The following RPS6KC1 variants were observed in gnomAD, a reference collection of about 807,000 sequenced individuals.
RPS6KC1 encodes the protein inactive ribosomal protein S6 kinase delta-1.
Under a neutral mutation model 103.8 loss-of-function variants are expected in RPS6KC1, and 54 were observed. The observed-to-expected ratio is 0.52, with a 90% CI of 0.42 to 0.65. RPS6KC1 has a LOEUF of 0.65. Among genes scored for constraint, RPS6KC1 ranks in the 30% least tolerant of loss-of-function variants. The pLI is 0.00. For missense variants in RPS6KC1, 1,151 were observed against 1,253.8 expected (o/e 0.92, Z 1.24); for synonymous variants, 439 against 438.7 (o/e 1.00, Z -0.01).
At chr1:213,837,770 C>CA in the RPS6KC1 span, among the ~76,000 whole-genome samples, 1 of 152,152 alleles carries the variant, frequency 6.6e-6, no homozygotes, top group Admixed American at 6.5e-5. Context: ...CTGTTAAATT[C>CA]AATTTTGCTT....
the RPS6KC1 span, among the ~76,000 whole-genome samples, chr1:213,391,057 C>G: frequency 6.6e-6 from 1 of 152,090 alleles, no homozygotes; most frequent in African/African-American, 2.4e-5. Flanking sequence ...CTTATACTCA[C>G]CTCCTGAATT....
chr1:213,616,888 C>T, the RPS6KC1 span, among the ~76,000 whole-genome samples: 1 of 152,122 alleles, frequency 6.6e-6, no homozygotes, highest in Non-Finnish European at 1.5e-5. Flanking sequence ...GATAAAGGGA[C>T]CATGGGTTCT....
the RPS6KC1 span, among the ~76,000 whole-genome samples, chr1:213,527,794 A>C: frequency 1.3e-5 from 2 of 152,176 alleles, no homozygotes; most frequent in African/African-American, 2.4e-5. Flanking sequence ...CTTCCCAAAA[A>C]CTTAATTAGT....
the RPS6KC1 span, among the ~76,000 whole-genome samples, chr1:213,514,351 G>A: frequency 6.6e-6 from 1 of 151,616 alleles, no homozygotes; most frequent in South Asian, 2.1e-4. Context: ...TTTAACATTA[G>A]GTATATCGCC....
the RPS6KC1 span, among the ~76,000 whole-genome samples, chr1:213,465,787 C>G: frequency 2.6e-5 from 4 of 152,106 alleles, no homozygotes; most frequent in Admixed American, 6.6e-5. Context: ...CTCTGGACCT[C>G]CTATTTTCTT....
intron 4 of RPS6KC1, among the ~76,000 whole-genome samples, chr1:213,116,079 C>T (rs540766050): frequency 0.011 from 1,683 of 151,914 alleles, 37 homozygotes; most frequent in African/African-American, 0.037. Flanking sequence ...CCGCTTGGTG[C>T]AGAGCTGAGT....
At chr1:213,177,639 G>C (rs1331590110) in intron 8 of RPS6KC1, among the ~76,000 whole-genome samples, 1 of 152,058 alleles carries the variant, frequency 6.6e-6, no homozygotes, top group Non-Finnish European at 1.5e-5. Flanking sequence ...TTTTTTAAGA[G>C]CCTGAAATAT....
At chr1:213,521,757 G>A in the RPS6KC1 span, among the ~76,000 whole-genome samples, 2 of 152,286 alleles carry the variant, frequency 1.3e-5, no homozygotes, top group East Asian at 3.9e-4. Context: ...TCCATAAGAA[G>A]CAACTCCTCA....
chr1:213,484,587 AC>A, the RPS6KC1 span, among the ~76,000 whole-genome samples: 1 of 152,238 alleles, frequency 6.6e-6, no homozygotes, highest in East Asian at 1.9e-4. Flanking sequence ...TCCACCAGAT[AC>A]GTTATACTCT....
chr1:213,337,174 A>C, the RPS6KC1 span, among the ~76,000 whole-genome samples: 1 of 152,150 alleles, frequency 6.6e-6, no homozygotes, highest in African/African-American at 2.4e-5. Context: ...CAAGGGGTTA[A>C]ACTTTGCCCT....
chr1:213,370,293 A>G, the RPS6KC1 span, among the ~76,000 whole-genome samples: 4 of 123,936 alleles, frequency 3.2e-5, no homozygotes, highest in African/African-American at 1.6e-4. Context: ...TTTTTTTTGC[A>G]TGTATCTTGT....
chr1:213,461,519 A>G, the RPS6KC1 span, among the ~76,000 whole-genome samples: 1 of 152,212 alleles, frequency 6.6e-6, no homozygotes, highest in Non-Finnish European at 1.5e-5. Flanking sequence ...ATGCTACCTG[A>G]CTTTAAACTA....
chr1:213,132,172 G>C (rs1214992298), intron 6 of RPS6KC1, among the ~76,000 whole-genome samples: 2 of 152,140 alleles, frequency 1.3e-5, no homozygotes, highest in Admixed American at 6.5e-5. Context: ...AAACCTACTA[G>C]ACTGCTATCT....
At chr1:213,334,269 G>A in the RPS6KC1 span, among the ~76,000 whole-genome samples, 1 of 152,196 alleles carries the variant, frequency 6.6e-6, no homozygotes, top group African/African-American at 2.4e-5. Context: ...GCTTCCCCCA[G>A]GACATACAGG....
intron 8 of RPS6KC1, among the ~76,000 whole-genome samples, chr1:213,201,699 T>C (rs781193613): frequency 1.3e-5 from 2 of 152,350 alleles, no homozygotes; most frequent in Non-Finnish European, 1.5e-5. Flanking sequence ...AGGAACTTTT[T>C]ATTTTCTGCT....
At chr1:213,715,658 G>T in the RPS6KC1 span, among the ~76,000 whole-genome samples, 1 of 152,214 alleles carries the variant, frequency 6.6e-6, no homozygotes, top group African/African-American at 2.4e-5. Flanking sequence ...TAAAGTCTGG[G>T]CAGTGTGTGT....
the RPS6KC1 span, among the ~76,000 whole-genome samples, chr1:213,844,135 A>G: frequency 6.6e-6 from 1 of 152,198 alleles, no homozygotes; most frequent in Non-Finnish European, 1.5e-5. Flanking sequence ...TGAACAATGC[A>G]CACATTGTAA....
the RPS6KC1 span, among the ~76,000 whole-genome samples, chr1:213,624,267 G>A: frequency 6.6e-6 from 1 of 152,204 alleles, no homozygotes; most frequent in Non-Finnish European, 1.5e-5. Context: ...TCAGCATTGT[G>A]CCAGGTGAGA....
chr1:213,783,264 A>G, the RPS6KC1 span, among the ~76,000 whole-genome samples: 1 of 152,312 alleles, frequency 6.6e-6, no homozygotes, highest in Admixed American at 6.5e-5. Flanking sequence ...ATCTTTGTAT[A>G]TTGAGGGAGC....
Sources: gnomAD v4.1 joint callset for allele counts (sites outside exome capture counted in the v4.1 genomes callset) on GRCh38, gnomAD v4.1.1 for gene constraint, MANE v1.5 for transcripts, NCBI Gene and HGNC (gene_info 2026-07-23, HGNC 2026-07-21) for gene names.